TNNI3K: variants seen among roughly 807,000 people sequenced by gnomAD.
TNNI3K encodes the protein serine/threonine-protein kinase TNNI3K.
Under a neutral mutation model 114.5 loss-of-function variants are expected in TNNI3K, and 140 were observed. The ratio of observed to expected loss-of-function variants is 1.22; its 90% CI spans 1.07 to 1.41. The LOEUF (loss-of-function observed/expected upper bound fraction) is 1.41, where lower values mean the gene tolerates loss of function less well. Among genes scored for constraint, TNNI3K ranks in the 40% most tolerant of loss-of-function variants. The pLI is 0.00. For missense variants in TNNI3K, 1,125 were observed against 1,007.6 expected (o/e 1.12, Z -1.58); for synonymous variants, 347 against 347.5 (o/e 1.00, Z 0.02).
chr1:74,284,408 A>G lies in TNNI3K; in HGVS notation c.444+12700A>G, dbSNP rs577132956. ...GAATCTCTCTTTTGCGGTGACCCTT[A>G]AAGGCACTTGGCCCATCTGCTACTT... On this transcript the variant is annotated intron_variant, in intron 5 of 24. Transcript: ENST00000326637. Among the ~76,000 whole-genome samples the G allele has an allele frequency of 5.4e-4, 82 of 152,274 alleles. 1 individual carries two copies. Among genetic ancestry groups the G allele is most frequent in the Admixed American group, 1.6e-3 (25 of 15,286 alleles).
chr1:74,258,809 A>C (rs1655489564), intron 4 of TNNI3K, among the ~76,000 whole-genome samples: 1 of 152,216 alleles, frequency 6.6e-6, no homozygotes, highest in South Asian at 2.1e-4. Flanking sequence ...TGTAATGTGC[A>C]TGAGGATCAT....
In TNNI3K at chr1:74,280,812, G is replaced by A. The variant is rs149534409; in HGVS notation, c.444+9104G>A. ...TTCTGGGCTTGCAACCAGTGGACTT[G>A]GGGTGCACGTGACCCAGTGAGACAC... On this transcript the variant is annotated intron_variant, in intron 5 of 24. Coordinates refer to ENST00000326637, the MANE Select transcript of TNNI3K (RefSeq NM_015978.3). Among the ~76,000 whole-genome samples the A allele has an allele frequency of 7.2e-5, 11 of 152,196 alleles. No homozygotes were observed. In the East Asian group the frequency reaches 1.9e-3, roughly 27 times the overall value.
At chr1:74,244,766 C>T (rs481387) in intron 2 of TNNI3K, among the ~76,000 whole-genome samples, 93,499 of 150,648 alleles carry the variant, frequency 0.62, 30,169 homozygotes, top group African/African-American at 0.8. Context: ...AGGTGTTTAG[C>T]AGGTGTTGTG....
chr1:74,338,220 A>G (rs74093700), intron 7 of TNNI3K, among the ~76,000 whole-genome samples: 10,438 of 151,876 alleles, frequency 0.069, 433 homozygotes, highest in African/African-American at 0.11. Flanking sequence ...AGCATCCCCA[A>G]TATTTGATAT....
At chr1:74,296,081 C>T (rs1657963742) in intron 5 of TNNI3K, among the ~76,000 whole-genome samples, 1 of 5,570 alleles carries the variant, frequency 1.8e-4, no homozygotes, top group South Asian at 0.01. Flanking sequence ...CGAGACCATC[C>T]TGGCTAACAC....
chr1:74,386,965 G>T (rs899815422), intron 17 of TNNI3K, among the ~76,000 whole-genome samples: 8 of 152,170 alleles, frequency 5.3e-5, no homozygotes, highest in African/African-American at 1.9e-4. Context: ...AGACAAGGGA[G>T]ATTTGGGAAT....
chr1:74,416,450 G>A (rs1665118466), intron 17 of TNNI3K: 1 of 964,078 alleles, frequency 1.0e-6, no homozygotes, highest in Non-Finnish European at 1.2e-6. Flanking sequence ...GGGGTGCCTA[G>A]AAGTTATTGG....
At chr1:74,240,555 T>A (rs1294583367) in intron 2 of TNNI3K, 1 of 152,236 alleles carries the variant, frequency 6.6e-6, no homozygotes, top group African/African-American at 2.4e-5. Flanking sequence ...TGGTTATGAA[T>A]ATTATACAAC....
intron 23 of TNNI3K, among the ~76,000 whole-genome samples, chr1:74,515,080 T>C (rs941675048): frequency 2.0e-5 from 3 of 152,110 alleles, no homozygotes; most frequent in Non-Finnish European, 4.4e-5. Context: ...AGAATTTTCC[T>C]CAGAATATTC....
intron 17 of TNNI3K, among the ~76,000 whole-genome samples, chr1:74,395,678 C>G (rs922064908): frequency 1.3e-5 from 2 of 152,138 alleles, no homozygotes; most frequent in African/African-American, 4.8e-5. Context: ...AGGGAAACAG[C>G]TGGAGACAGA....
chr1:74,535,617 A>G (rs145928785), intron 23 of TNNI3K, among the ~76,000 whole-genome samples: 30 of 152,306 alleles, frequency 2.0e-4, no homozygotes, highest in African/African-American at 5.3e-4. Flanking sequence ...TAGCTTACAG[A>G]CTTCCAGGGA....
chr1:74,264,913 A>C (rs1655876998), intron 4 of TNNI3K, among the ~76,000 whole-genome samples: 1 of 152,014 alleles, frequency 6.6e-6, no homozygotes. Flanking sequence ...ATTTCATTTG[A>C]TCTTTATTAC....
At chr1:74,303,346 G>T (rs1658442352) in intron 5 of TNNI3K, among the ~76,000 whole-genome samples, 3 of 151,818 alleles carry the variant, frequency 2.0e-5, no homozygotes, top group Middle Eastern at 6.3e-3. Flanking sequence ...TCTATTTTTA[G>T]TAGAGACAGG....
chr1:74,369,885 G>A (rs917248112), intron 16 of TNNI3K: 1 of 295,610 alleles, frequency 3.4e-6, no homozygotes, highest in South Asian at 1.3e-4. Flanking sequence ...GAAGATATAT[G>A]TAAGCTCAGA....
intron 5 of TNNI3K, among the ~76,000 whole-genome samples, chr1:74,289,196 G>A (rs571849871): frequency 1.3e-5 from 2 of 152,082 alleles, no homozygotes; most frequent in South Asian, 4.1e-4. Context: ...AGAGAACTTT[G>A]TTTTTCAAAG....
At position 74,411,959 on chromosome 1, in the gene TNNI3K, T is replaced by TA. The variant is rs199982466; in HGVS notation, c.1773-24121_1773-24120insA. On this transcript the variant is annotated intron_variant, in intron 17 of 24. Transcript: ENST00000326637. ...TATTAAGAAATATAAAATAAAATAG[T>TA]TTACATATTGTTCAATACATAGTTC... 8.6e-3 allele frequency among the ~76,000 whole-genome samples: 1,304 copies of TA among 152,264 alleles called. 16 individuals carry two copies. The highest frequency in any genetic ancestry group is 0.03 in the African/African-American group (1,231 of 41,546).
chr1:74,258,914 C>G (rs1243378975), intron 4 of TNNI3K, among the ~76,000 whole-genome samples: 1 of 152,140 alleles, frequency 6.6e-6, no homozygotes, highest in Non-Finnish European at 1.5e-5. Flanking sequence ...AAATTTTTAA[C>G]AAACAACCTA....
chr1:74,408,747 T>C (rs699842), intron 17 of TNNI3K, among the ~76,000 whole-genome samples: 141,374 of 152,302 alleles, frequency 0.93, 65,636 homozygotes, highest in East Asian at 0.97. Flanking sequence ...CAAAAGTCCC[T>C]GCTTCAAATC....
intron 23 of TNNI3K, among the ~76,000 whole-genome samples, chr1:74,530,331 C>A (rs1466266183): frequency 6.6e-6 from 1 of 152,198 alleles, no homozygotes; most frequent in Non-Finnish European, 1.5e-5. Flanking sequence ...GACTTAATAA[C>A]TGCCTGGCTT....
Sources: allele counts gnomAD v4.1 joint callset (sites outside exome capture counted in the v4.1 genomes callset), GRCh38; gene constraint gnomAD v4.1.1; transcripts MANE v1.5; gene names NCBI Gene and HGNC (gene_info 2026-07-23, HGNC 2026-07-21).